RFX1: variants seen among roughly 807,000 people sequenced by gnomAD.
RFX1 encodes regulatory factor X1, also known as MHC class II regulatory factor RFX1.
Under a neutral mutation model 119.6 loss-of-function variants are expected in RFX1, and 42 were observed. The observed-to-expected ratio is 0.35, with a 90% CI of 0.27 to 0.45. RFX1 has a LOEUF of 0.45. RFX1 is among the 20% of genes least tolerant of loss of function. The probability of loss-of-function intolerance (pLI) is 1.00; values close to 1 mark genes in which losing one functional copy is unlikely to be tolerated. For missense variants in RFX1, 1,118 were observed against 1,368.1 expected (o/e 0.82, Z 2.88); for synonymous variants, 628 against 618.5 (o/e 1.02, Z -0.23).
At chr19:13,983,465 C>A in intron 3 of RFX1, 21 bp downstream of exon 3, 2 of 1,565,024 alleles carry the variant, frequency 1.3e-6, no homozygotes, top group Non-Finnish European at 1.7e-6. Context: ...TCCCCCACCC[C>A]CTGGGAGGGC....
chr19:13,991,525 G>C (rs1382458705), intron 2 of RFX1, among the ~76,000 whole-genome samples: 1 of 152,110 alleles, frequency 6.6e-6, no homozygotes, highest in African/African-American at 2.4e-5. Context: ...ACTGCCCTGA[G>C]TCCCTGCATG....
chr19:13,965,397 A>G lies in RFX1; in HGVS notation c.2211+52T>C. On this transcript the variant is annotated intron_variant, in intron 16 of 20. Coordinates refer to ENST00000254325, the MANE Select transcript of RFX1 (RefSeq NM_002918.5). The surrounding 1 kb of genome is among the most constrained non-coding windows in gnomAD (Gnocchi z 4.7). ...TTACCGCCCCTGGGGAGCAGAGGAG[A>G]CGGAGGCCTAAGCCCCAGAGATAGG... is the stretch of plus-strand genomic sequence containing the variant. 6.6e-7 allele frequency: 1 copy of G among 1,509,132 alleles called. No homozygotes were observed. Among genetic ancestry groups the G allele is most frequent in the Non-Finnish European group, 9.2e-7 (1 of 1,089,338 alleles). 93.5% of individuals were successfully genotyped at this position (1,509,132 alleles called of 1,614,324 possible).
chr19:13,967,614 T>A (rs1973945752), intron 12 of RFX1, among the ~76,000 whole-genome samples: 1 of 151,966 alleles, frequency 6.6e-6, no homozygotes, highest in African/African-American at 2.4e-5. Flanking sequence ...GTAGCTGGGA[T>A]TACAGGCACC....
chr19:13,973,570 C>T (rs1232689409), intron 8 of RFX1, among the ~76,000 whole-genome samples: 1 of 152,118 alleles, frequency 6.6e-6, no homozygotes, highest in African/African-American at 2.4e-5. Context: ...TATAACCATA[C>T]TACCACTGCA....
In RFX1 at chr19:13,969,949, C is replaced by T; in HGVS notation, c.1496+45G>A. 6.4e-7 allele frequency: 1 copy of T among 1,553,314 alleles called. No homozygotes were observed. Among genetic ancestry groups the T allele is most frequent in the Admixed American group, 1.9e-5 (1 of 53,424 alleles). ...GGAGTGGGGGTGGGCCTTGGCATGC[C>T]CACCAATTCCCCAGGGACTGCTGGG... On this transcript the variant is annotated intron_variant, in intron 10 of 20. Transcript: ENST00000254325. This position sits in a 1 kb window ranked among gnomAD's most constrained non-coding sequence, Gnocchi z 4.5.
Position 13,966,905 on chromosome 19 carries a change from G to A in RFX1, c.1733-154C>T, listed in dbSNP as rs1439959716. The stretch of plus-strand genomic sequence containing the variant: ...TGAGCGCCTGGCCCGGGCCCAGGAC[G>A]GGCCCAGGAGTGAGGGCCCACACTC... On this transcript the variant is annotated intron_variant, in intron 12 of 20. Transcript: ENST00000254325. This position sits in a 1 kb window ranked among gnomAD's most constrained non-coding sequence, Gnocchi z 6.3. 3.3e-5 allele frequency among the ~76,000 whole-genome samples: 5 copies of A among 152,198 alleles called. No individual in the cohort carries two copies. Among genetic ancestry groups the A allele is most frequent in the African/African-American group, 9.6e-5 (4 of 41,460 alleles).
chr19:13,997,280 C>T lies in RFX1; in HGVS notation c.-52-3385G>A, dbSNP rs946903297. On this transcript the variant is annotated intron_variant, in intron 1 of 20. Transcript: ENST00000254325. ...AGAGGTGTCCGAGTTAGCAGGGGGGCAAGGTAGGTAAGAAACGAGCCCTGG... is the reference window on the plus strand; with the variant it reads ...AGAGGTGTCCGAGTTAGCAGGGGGGTAAGGTAGGTAAGAAACGAGCCCTGG... Among the ~76,000 whole-genome samples, 6 of 152,206 alleles carry T rather than the reference C, an allele frequency of 3.9e-5. No individual in the cohort carries two copies. The South Asian group carries it at 8.3e-4, about 21-fold the overall frequency.
rs1357413555 is a variant in RFX1, at chr19:13,968,922, G to A, written c.1497-28C>T. On this transcript the variant is annotated intron_variant, in intron 10 of 20. Transcript: ENST00000254325. This position sits in a 1 kb window ranked among gnomAD's most constrained non-coding sequence, Gnocchi z 5.5. Reference sequence around the variant, plus strand: ...GGGAGGGAGGTGGAGGGGAAGGGCTGGGCTGGGGGTCTGCCGGCTGGCCGG... The same window carrying A: ...GGGAGGGAGGTGGAGGGGAAGGGCTAGGCTGGGGGTCTGCCGGCTGGCCGG... 6.5e-7 allele frequency: 1 copy of A among 1,542,746 alleles called. No homozygotes were observed. Among genetic ancestry groups the A allele is most frequent in the Non-Finnish European group, 8.7e-7 (1 of 1,145,064 alleles).
At position 13,994,893 on chromosome 19, in the gene RFX1, CATATATATATAT is replaced by C. The variant is rs566150731; in HGVS notation, c.-52-1010_-52-999del. On this transcript the variant is annotated intron_variant, in intron 1 of 20. Transcript: ENST00000254325. Reference sequence around the variant, plus strand: ...GTATATGTATATTGAAATATACATACATATATATATATATATATATATATATATATATATATA... The same window carrying C: ...GTATATGTATATTGAAATATACATACATATATATATATATATATATATATA... 4.7e-3 allele frequency among the ~76,000 whole-genome samples: 281 copies of C among 59,302 alleles called. 3 individuals are homozygous for C. Among genetic ancestry groups the C allele is most frequent in the East Asian group, 0.017 (25 of 1,470 alleles). The allele number at this position is 59,302 out of a possible 152,430, so 38.9% of individuals were successfully genotyped here.
At position 13,963,640 on chromosome 19, in the gene RFX1, G is replaced by A. The variant is rs993851745; in HGVS notation, c.2468C>T (p.Ala823Val). 2.5e-6 allele frequency: 4 copies of A among 1,601,686 alleles called. No individual in the cohort carries two copies. The highest frequency in any genetic ancestry group is 1.1e-5 in the South Asian group (1 of 89,974). ...CTGGCTCACCACGCCGTCCAGCCAG[G>A]CCGCCCACTGCTCCAGCGAGTTCTG... ...QQQNSLEQWA[A>V]WLDGVVSQVL... The change falls in exon 18 of 21, where the codon GCC becomes GTC. Residue 823 changes from alanine (A) to valine (V), a missense_variant. Physicochemically the swap from Ala to Val is moderately conservative, Grantham distance 64. Coordinates refer to ENST00000254325, the MANE Select transcript of RFX1 (RefSeq NM_002918.5).
intron 9 of RFX1, among the ~76,000 whole-genome samples, chr19:13,972,484 G>A (rs1974113390): frequency 6.6e-6 from 1 of 152,188 alleles, no homozygotes; most frequent in African/African-American, 2.4e-5. Context: ...GTGAGCCACA[G>A]CGCCCAGCCA....
In RFX1 at chr19:13,962,772, C is replaced by G. The variant is rs1238958950; in HGVS notation, c.2863G>C (p.Glu955Gln). 1.3e-6 allele frequency: 2 copies of G among 1,530,516 alleles called. No individual in the cohort carries two copies. Among genetic ancestry groups the G allele is most frequent in the Non-Finnish European group, 1.7e-6 (2 of 1,143,708 alleles). The allele number at this position is 1,530,516 out of a possible 1,614,324, so 94.8% of individuals were successfully genotyped here. A position where few individuals can be genotyped will look rare whatever the true frequency, so the allele number is the denominator to read the frequency against. ...AGCTTGGCCGGCGGCTCCAGGGTCT[C>G]CGGGCCCAGCGCGGGTGACTCGCCG... Reference protein sequence around the residue: ...AGGESPALGPETLEPPAKLAR... With the variant: ...AGGESPALGPQTLEPPAKLAR... Residue 955 changes from glutamate to glutamine, a missense_variant, in exon 21 of 21, where the codon GAG becomes CAG. By Grantham distance (29) the Glu-to-Gln change is conservative. This residue lies in a region of RFX1 where 138 missense variants were observed against 117.8 expected (regional missense o/e 1.17). Coordinates refer to ENST00000254325, the MANE Select transcript of RFX1 (RefSeq NM_002918.5).
intron 20 of RFX1, 28 bp from the exon 21 acceptor site, chr19:13,962,892 G>A (rs912356431): frequency 1.3e-6 from 2 of 1,534,536 alleles, no homozygotes; most frequent in Non-Finnish European, 1.8e-6. Context: ...AGTCCGGCTC[G>A]GGGCGGGGTG....
chr19:14,004,364 C>T (rs997011779), intron 1 of RFX1, among the ~76,000 whole-genome samples: 4 of 152,142 alleles, frequency 2.6e-5, no homozygotes, highest in African/African-American at 4.8e-5. Flanking sequence ...GAAAATCAGC[C>T]GGGCATGATG....
rs1974026067 is a variant in RFX1 at position 13,970,015 on chromosome 19, C to T, written c.1475G>A (p.Arg492Gln). The change falls in exon 10 of 21, where the codon CGA becomes CAA. Residue 492 changes from arginine to glutamine, a missense_variant. By Grantham distance (43) the Arg-to-Gln change is conservative. This residue lies in a region of RFX1 where 338 missense variants were observed against 508.9 expected (regional missense o/e 0.66). Transcript: ENST00000254325. ...KLIRSVFMGL[R>Q]TRRLGTRGNS... ...CTACCTGGTGCCCAGACGGCGGGTTCGCAGGCCCATGAAGACGGAGCGGAT... is the reference window on the plus strand; with the variant it reads ...CTACCTGGTGCCCAGACGGCGGGTTTGCAGGCCCATGAAGACGGAGCGGAT... 3 of 1,612,328 alleles carry T rather than the reference C, an allele frequency of 1.9e-6. No individual in the cohort carries two copies. The highest frequency in any genetic ancestry group is 1.1e-5 in the South Asian group (1 of 90,910).
At chr19:13,993,942 A>G in intron 1 of RFX1, 47 bp from the exon 2 acceptor site, 1 of 1,046,832 alleles carries the variant, frequency 9.6e-7, no homozygotes, top group East Asian at 2.6e-5. Flanking sequence ...AAAACAAAAC[A>G]AAAGAAGGAA....
intron 2 of RFX1, among the ~76,000 whole-genome samples, chr19:13,988,536 G>A (rs1036351416): frequency 2.0e-4 from 31 of 152,170 alleles, no homozygotes; most frequent in Admixed American, 2.0e-3. Flanking sequence ...GGTGACATGC[G>A]AGGCCTCCTG....
Position 13,980,503 on chromosome 19 carries a change from C to A in RFX1, c.738+70G>T. On this transcript the variant is annotated intron_variant, in intron 6 of 20. Transcript: ENST00000254325. The surrounding 1 kb of genome is among the most constrained non-coding windows in gnomAD (Gnocchi z 5.1). The stretch of plus-strand genomic sequence containing the variant: ...GGGCTCTAATAGGCCAGAGGCACAG[C>A]CGTGGGGGGCTGCAGAGGCTGCCTG... The A allele has an allele frequency of 1.0e-6, 1 of 993,328 alleles. No individual in the cohort carries two copies. Among genetic ancestry groups the A allele is most frequent in the South Asian group, 1.5e-5 (1 of 67,190 alleles). The allele number at this position is 993,328 out of a possible 1,614,324, so 61.5% of individuals were successfully genotyped here. A position where few individuals can be genotyped will look rare whatever the true frequency, so the allele number is the denominator to read the frequency against.
intron 2 of RFX1, among the ~76,000 whole-genome samples, chr19:13,987,300 A>C (rs1974632878): frequency 6.6e-6 from 1 of 152,016 alleles, no homozygotes; most frequent in Non-Finnish European, 1.5e-5. Flanking sequence ...CTGACCAGGG[A>C]AACTTGATCT....
Sources: allele counts gnomAD v4.1 joint callset (sites outside exome capture counted in the v4.1 genomes callset), GRCh38; gene constraint gnomAD v4.1.1; regional missense constraint gnomAD v4.1.1; non-coding constraint Gnocchi (gnomAD v3.1); transcripts MANE v1.5; gene names NCBI Gene and HGNC (gene_info 2026-07-23, HGNC 2026-07-21).